Variants in ITGBL1 observed in about 807,000 individuals in gnomAD.
ITGBL1 encodes the protein integrin beta-like protein 1.
In ITGBL1, 51 loss-of-function variants were observed where a neutral mutation model predicts 68.5. That is an observed-to-expected ratio of 0.74 (90% confidence interval 0.59 to 0.94). The LOEUF (loss-of-function observed/expected upper bound fraction) is 0.94, where lower values mean the gene tolerates loss of function less well. Among genes scored for constraint, ITGBL1 ranks in the 40% least tolerant of loss-of-function variants. The pLI is 0.00. For synonymous variants in ITGBL1, 209 were observed against 227.3 expected (o/e 0.92, Z 0.72); for missense variants, 649 against 647.4 (o/e 1.00, Z -0.03).
At chr13:101,531,720 T>G (rs1010486845) in intron 2 of ITGBL1, among the ~76,000 whole-genome samples, 1 of 148,836 alleles carries the variant, frequency 6.7e-6, no homozygotes, top group Non-Finnish European at 1.5e-5. Flanking sequence ...TATTTATTTA[T>G]TTATTTATTT....
chr13:101,598,376 G>A, intron 7 of ITGBL1, 77 bp downstream of exon 7: 1 of 1,131,956 alleles, frequency 8.8e-7, no homozygotes, highest in Non-Finnish European at 1.2e-6. Context: ...ACATCTTTTT[G>A]TTTGTTTGTT....
At chr13:101,531,887 C>T (rs1415036978) in intron 2 of ITGBL1, among the ~76,000 whole-genome samples, 1 of 151,798 alleles carries the variant, frequency 6.6e-6, no homozygotes, top group Admixed American at 6.6e-5. Context: ...GCGCCTGCCA[C>T]AGGCCTGGCT....
intron 7 of ITGBL1, among the ~76,000 whole-genome samples, chr13:101,605,451 C>T (rs905779213): frequency 4.0e-5 from 6 of 149,924 alleles, no homozygotes; most frequent in African/African-American, 1.5e-4. Context: ...CGTATATATA[C>T]ACATATATAG....
At chr13:101,615,021 C>T (rs562521676) in intron 7 of ITGBL1, among the ~76,000 whole-genome samples, 4 of 152,098 alleles carry the variant, frequency 2.6e-5, no homozygotes, top group African/African-American at 7.2e-5. Context: ...GAAATTTATT[C>T]CCACAGCTCT....
At chr13:101,593,495 A>C (rs1328441745) in intron 6 of ITGBL1, among the ~76,000 whole-genome samples, 3 of 152,110 alleles carry the variant, frequency 2.0e-5, no homozygotes, top group Non-Finnish European at 4.4e-5. Flanking sequence ...CACTATTTAC[A>C]GTAGTCAAGA....
chr13:101,646,911 A>G (rs1427466638), intron 7 of ITGBL1, among the ~76,000 whole-genome samples: 1 of 152,156 alleles, frequency 6.6e-6, no homozygotes, highest in African/African-American at 2.4e-5. Flanking sequence ...CAAAAGCTAA[A>G]TCCTGGAGTT....
chr13:101,465,405 T>C (rs2048370372), intron 2 of ITGBL1, among the ~76,000 whole-genome samples: 1 of 152,218 alleles, frequency 6.6e-6, no homozygotes, highest in South Asian at 2.1e-4. Context: ...AAATTTTCTC[T>C]ATCTTTGAGG....
intron 7 of ITGBL1, among the ~76,000 whole-genome samples, chr13:101,691,302 C>A (rs1456775931): frequency 6.6e-6 from 1 of 152,140 alleles, no homozygotes; most frequent in Non-Finnish European, 1.5e-5. Context: ...ATGTCTTTCA[C>A]CAGATTCTCA....
At chr13:101,676,629 C>T (rs1485896427) in intron 7 of ITGBL1, among the ~76,000 whole-genome samples, 3 of 152,138 alleles carry the variant, frequency 2.0e-5, no homozygotes, top group Non-Finnish European at 2.9e-5. Flanking sequence ...TCCAATGGTC[C>T]TCTTTTCTCT....
intron 7 of ITGBL1, among the ~76,000 whole-genome samples, chr13:101,645,648 G>A (rs1394506529): frequency 6.6e-6 from 1 of 152,122 alleles, no homozygotes; most frequent in East Asian, 1.9e-4. Context: ...CTTCTCTGGG[G>A]TGAGCCAGGT....
At chr13:101,475,026 AGAC>A (rs2048515729) in intron 2 of ITGBL1, among the ~76,000 whole-genome samples, 1 of 152,232 alleles carries the variant, frequency 6.6e-6, no homozygotes, top group Non-Finnish European at 1.5e-5. Context: ...TTTAATGCTT[AGAC>A]ATCAGTGAAT....
rs940399092 is a variant in ITGBL1 at position 101,716,446 on chromosome 13, A to G, written c.*792A>G. On this transcript the variant is annotated 3_prime_UTR_variant, in exon 11 of 11. Transcript: ENST00000376180. ...ATAAATAGTGACAGAAGTTGTTTAT[A>G]CTCTGTGTCAGTATATATATCTACT... The G allele has an allele frequency of 6.6e-6, 1 of 152,046 alleles. No homozygotes were observed. The highest frequency in any genetic ancestry group is 1.5e-5 in the Non-Finnish European group (1 of 67,996). The allele number at this position is 152,046 out of a possible 1,614,324, so 9.4% of individuals were successfully genotyped here. A position where few individuals can be genotyped will look rare whatever the true frequency, so the allele number is the denominator to read the frequency against.
At chr13:101,697,996 C>G (rs754004744) in intron 8 of ITGBL1, among the ~76,000 whole-genome samples, 5 of 152,116 alleles carry the variant, frequency 3.3e-5, no homozygotes, top group East Asian at 1.9e-4. Flanking sequence ...TTAGTCCCCC[C>G]CATCATCTCT....
At position 101,714,498 on chromosome 13, in the gene ITGBL1, T is replaced by C; in HGVS notation, c.1340T>C (p.Phe447Ser). Residue 447 changes from phenylalanine (F) to serine (S), a missense_variant, in exon 10 of 11, where the codon TTC becomes TCC. Phe to Ser is a radical substitution (Grantham distance 155). Coordinates refer to ENST00000376180, the MANE Select transcript of ITGBL1 (RefSeq NM_004791.3). ...GAAGAGTGGTATATTTCTGGGGAGTTCTGTGACTGTGATGACAGAGACTGC... is the reference window on the plus strand; with the variant it reads ...GAAGAGTGGTATATTTCTGGGGAGTCCTGTGACTGTGATGACAGAGACTGC... ...SAEEWYISGE[F>S]CDCDDRDCDK... 6.2e-7 allele frequency: 1 copy of C among 1,613,170 alleles called. No individual in the cohort carries two copies. Among genetic ancestry groups the C allele is most frequent in the Non-Finnish European group, 8.5e-7 (1 of 1,179,184 alleles).
chr13:101,641,852 G>A (rs1029967896), intron 7 of ITGBL1, among the ~76,000 whole-genome samples: 11 of 151,202 alleles, frequency 7.3e-5, no homozygotes, highest in Non-Finnish European at 1.5e-5. Context: ...TGAGAATGAT[G>A]ATTTCCAATT....
At chr13:101,675,475 G>T (rs1443076771) in intron 7 of ITGBL1, among the ~76,000 whole-genome samples, 1 of 152,076 alleles carries the variant, frequency 6.6e-6, no homozygotes, top group African/African-American at 2.4e-5. Context: ...TTCCAAGGGC[G>T]TCTTTCCTTG....
chr13:101,654,695 G>A (rs549929199), intron 7 of ITGBL1, among the ~76,000 whole-genome samples: 6 of 152,064 alleles, frequency 3.9e-5, no homozygotes, highest in South Asian at 2.1e-4. Context: ...CAATACACAC[G>A]TCTGAAAGTA....
intron 2 of ITGBL1, among the ~76,000 whole-genome samples, chr13:101,515,180 G>T (rs1439463700): frequency 6.6e-6 from 1 of 151,984 alleles, no homozygotes; most frequent in Admixed American, 6.6e-5. Context: ...CTTAATTGGT[G>T]ATTCCACATT....
intron 2 of ITGBL1, among the ~76,000 whole-genome samples, chr13:101,508,676 GTTTTA>G (rs1048331332): frequency 2.0e-5 from 3 of 151,992 alleles, no homozygotes; most frequent in African/African-American, 4.8e-5. Flanking sequence ...AATTTACATT[GTTTTA>G]TTCTATGTTA....
Sources: gnomAD v4.1 joint callset for allele counts (sites outside exome capture counted in the v4.1 genomes callset) on GRCh38, gnomAD v4.1.1 for gene constraint, MANE v1.5 for transcripts, NCBI Gene and HGNC (gene_info 2026-07-23, HGNC 2026-07-21) for gene names.